Variants in ZNF880 observed in about 807,000 individuals in gnomAD.
ZNF880 encodes zinc finger protein LOC400713.
Under a neutral mutation model 11.8 loss-of-function variants are expected in ZNF880, and 12 were observed. The observed-to-expected ratio is 1.02, with a 90% confidence interval of 0.65 to 1.65. ZNF880 has a LOEUF of 1.65. ZNF880 is among the 40% of genes most tolerant of loss of function. ZNF880 has a pLI of 0.00. For missense variants in ZNF880, 601 were observed against 673.9 expected (o/e 0.89, Z 1.20); for synonymous variants, 210 against 232.4 (o/e 0.90, Z 0.88).
upstream of ZNF880, among the ~76,000 whole-genome samples, chr19:52,369,728 T>C (rs1475985804): frequency 6.6e-6 from 1 of 151,980 alleles, no homozygotes; most frequent in East Asian, 2.0e-4. Context: ...ATAGCAGGAA[T>C]TTTCCTGGAT....
At chr19:52,380,595 TAA>T (rs1309474448) in intron 3 of ZNF880, among the ~76,000 whole-genome samples, 11 of 152,224 alleles carry the variant, frequency 7.2e-5, no homozygotes, top group African/African-American at 9.6e-5. Flanking sequence ...TTTGTTACAT[TAA>T]GTTTCCTTTT....
At chr19:52,381,836 G>T (rs905828371) in intron 3 of ZNF880, among the ~76,000 whole-genome samples, 5 of 135,880 alleles carry the variant, frequency 3.7e-5, no homozygotes, top group Admixed American at 3.0e-4. Flanking sequence ...TGTAACTTTA[G>T]GTACAGAAAG....
At position 52,382,953 on chromosome 19, in the gene ZNF880, G is replaced by A. The variant is rs547516235; in HGVS notation, c.269-896G>A. 4.6e-5 allele frequency among the ~76,000 whole-genome samples: 7 copies of A among 152,260 alleles called. No individual in the cohort carries two copies. The East Asian group carries it at 7.7e-4, about 17-fold the overall frequency. On this transcript the variant is annotated intron_variant, in intron 3 of 3. Coordinates refer to ENST00000422689, the MANE Select transcript of ZNF880 (RefSeq NM_001145434.2). ...CTGATAGTATCTCAAAAATGTACTAGGGTTGGTTTTCTTCATCATTTTTTC... is the reference window on the plus strand; with the variant it reads ...CTGATAGTATCTCAAAAATGTACTAAGGTTGGTTTTCTTCATCATTTTTTC...
upstream of ZNF880, among the ~76,000 whole-genome samples, chr19:52,368,214 AAAATAATAAT>A (rs1986210044): frequency 3.2e-5 from 2 of 61,920 alleles, no homozygotes; most frequent in South Asian, 5.1e-4. Flanking sequence ...CAAAAAAAAA[AAAATAATAAT>A]AATACTGTAA....
the ZNF880 span, among the ~76,000 whole-genome samples, chr19:52,393,554 G>C: frequency 6.6e-6 from 1 of 151,950 alleles, no homozygotes; most frequent in Non-Finnish European, 1.5e-5. Context: ...ATCTTTTGTT[G>C]TTGTTGGTCA....
the ZNF880 span, among the ~76,000 whole-genome samples, chr19:52,393,835 CTTT>C: frequency 0.033 from 3,526 of 108,370 alleles, 11 homozygotes; most frequent in African/African-American, 0.05. Context: ...TGCCCCCCCC[CTTT>C]TTTTTTTTTT....
intron 3 of ZNF880, among the ~76,000 whole-genome samples, chr19:52,378,527 G>A (rs148222646): frequency 0.031 from 4,634 of 151,408 alleles, 105 homozygotes; most frequent in Non-Finnish European, 0.046. Flanking sequence ...CATGCCTGTA[G>A]TCCCAGCTAC....
chr19:52,384,508 C>A lies in ZNF880; in HGVS notation c.928C>A (p.His310Asn), dbSNP rs1158162730. The change falls in exon 4 of 4, where the codon CAC becomes AAC. Residue 310 changes from histidine (H) to asparagine (N), a missense_variant. Transcript: ENST00000422689. The part of the protein sequence containing the change: ...ECGKVFNRNA[H>N]LARHQKIHSG... ...TGGCAAGGTCTTCAACAGAAATGCA[C>A]ACCTTGCACGACATCAGAAAATTCA... is the stretch of plus-strand genomic sequence containing the variant. 6.2e-7 allele frequency: 1 copy of A among 1,613,670 alleles called. No homozygotes were observed. The highest frequency in any genetic ancestry group is 1.3e-5 in the African/African-American group (1 of 74,800).
In ZNF880 at chr19:52,385,164, C is replaced by A. The variant is rs778661300; in HGVS notation, c.1584C>A (p.Val528=). The change falls in exon 4 of 4, where the codon GTC becomes GTA. Residue 528 remains valine (V), a synonymous_variant. Transcript: ENST00000422689. ...KSYKCNECGK[V]FSHKLYLKKH... Reference sequence around the variant, plus strand: ...ACAAATGCAATGAATGTGGCAAGGTCTTCAGCCACAAGTTATACCTAAAAA... The same window carrying A: ...ACAAATGCAATGAATGTGGCAAGGTATTCAGCCACAAGTTATACCTAAAAA... The A allele has an allele frequency of 6.4e-7, 1 of 1,554,980 alleles. No individual in the cohort carries two copies.
chr19:52,372,243 A>C (rs1426897072), intron 1 of ZNF880, among the ~76,000 whole-genome samples: 2 of 151,266 alleles, frequency 1.3e-5, no homozygotes, highest in African/African-American at 4.9e-5. Context: ...CTGTGGGTTA[A>C]TTTTTTGTAT....
chr19:52,369,587 C>G (rs1258705602), upstream of ZNF880, among the ~76,000 whole-genome samples: 1 of 151,966 alleles, frequency 6.6e-6, no homozygotes, highest in Admixed American at 6.6e-5. Context: ...CATGCCCAGG[C>G]GGGAGTGCAG....
intron 3 of ZNF880, 77 bp from the exon 4 acceptor site, chr19:52,383,772 A>T: frequency 7.1e-7 from 1 of 1,417,408 alleles, no homozygotes; most frequent in East Asian, 2.5e-5. Flanking sequence ...CAGGTGAGGC[A>T]GAATCTAGTC....
At chr19:52,381,028 T>A (rs753306979) in intron 3 of ZNF880, among the ~76,000 whole-genome samples, 6 of 152,234 alleles carry the variant, frequency 3.9e-5, no homozygotes, top group Non-Finnish European at 8.8e-5. Flanking sequence ...TTTTCAAAAC[T>A]GGAATATTGA....
chr19:52,383,990 C>A lies in ZNF880; in HGVS notation c.410C>A (p.Pro137His). The change falls in exon 4 of 4, where the codon CCT becomes CAT. Residue 137 changes from proline (P) to histidine (H), a missense_variant. Around this residue, in one of 3 missense-constraint regions of ZNF880, gnomAD observed 420 missense variants for 442.6 expected, o/e 0.95. Coordinates refer to ENST00000422689, the MANE Select transcript of ZNF880 (RefSeq NM_001145434.2). ...TCTGGATGTAAACATGTCGAAAAACCTATCAACAATTCCTTAGTTTCACCA... is the reference window on the plus strand; with the variant it reads ...TCTGGATGTAAACATGTCGAAAAACATATCAACAATTCCTTAGTTTCACCA... ...NISGCKHVEK[P>H]INNSLVSPLQ... 1 of 1,517,624 alleles carries A rather than the reference C, an allele frequency of 6.6e-7. No homozygotes were observed. Among genetic ancestry groups the A allele is most frequent in the Non-Finnish European group, 8.9e-7 (1 of 1,127,850 alleles). 94.0% of individuals were successfully genotyped at this position (1,517,624 alleles called of 1,614,324 possible).
rs1696316787 is a variant in ZNF880, at chr19:52,385,412, C to T, written c.*98C>T. ...TCTTACAAACTGAGTATGGCAAACT[C>T]TTCATGCTAAGTTCTAGCATTAATC... On this transcript the variant is annotated 3_prime_UTR_variant, in exon 4 of 4. Transcript: ENST00000422689. The T allele has an allele frequency of 3.8e-6, 5 of 1,323,950 alleles. No homozygotes were observed. The South Asian group carries it at 7.4e-5, about 20-fold the overall frequency. 82.0% of individuals were successfully genotyped at this position (1,323,950 alleles called of 1,614,324 possible).
chr19:52,374,478 A>G, intron 3 of ZNF880, 51 bp downstream of exon 3: 2 of 1,506,834 alleles, frequency 1.3e-6, no homozygotes, highest in Admixed American at 2.0e-5. Context: ...TTTTTTTTTT[A>G]AACAGGGTCT....
downstream of ZNF880, among the ~76,000 whole-genome samples, chr19:52,386,963 T>C (rs1783105656): frequency 6.9e-6 from 1 of 144,512 alleles, no homozygotes; most frequent in South Asian, 2.1e-4. Context: ...ATAGTTCTCA[T>C]GTTTTAATTA....
upstream of ZNF880, chr19:52,367,092 T>A (rs1986137863): frequency 3.5e-6 from 1 of 282,514 alleles, no homozygotes; most frequent in Admixed American, 4.9e-5. Context: ...ACTTCTCATG[T>A]TTTAAGTAAT....
chr19:52,385,305 G>A lies in ZNF880; in HGVS notation c.1725G>A (p.Pro575=), dbSNP rs146141677. 1,928 of 1,551,660 alleles carry A rather than the reference G, an allele frequency of 1.2e-3. 18 individuals carry two copies. In the African/African-American group the frequency reaches 0.02, roughly 16 times the overall value. ...NHHRIHTGEK[P]YR ...ACAGAATCCATACTGGAGAGAAACC[G>A]TACAGATGAAATGTGTGTGGTAAGA... The change falls in exon 4 of 4, where the codon CCG becomes CCA. Residue 575 remains proline (P), a synonymous_variant. Coordinates refer to ENST00000422689, the MANE Select transcript of ZNF880 (RefSeq NM_001145434.2).
Sources: allele counts gnomAD v4.1 joint callset (sites outside exome capture counted in the v4.1 genomes callset), GRCh38; gene constraint gnomAD v4.1.1; regional missense constraint gnomAD v4.1.1; transcripts MANE v1.5; gene names NCBI Gene and HGNC (gene_info 2026-07-23, HGNC 2026-07-21).